RASA3: variants seen among roughly 807,000 people sequenced by gnomAD.
The protein encoded by RASA3 is RAS p21 protein activator 3.
A neutral mutation model predicts 110.0 loss-of-function variants in RASA3; 73 were observed. The ratio of observed to expected loss-of-function variants is 0.66; its 90% CI spans 0.55 to 0.81. The LOEUF (loss-of-function observed/expected upper bound fraction) is 0.81, where lower values mean the gene tolerates loss of function less well. Ranked by LOEUF, RASA3 falls within the 30% of genes least tolerant of loss-of-function variation. The pLI, the probability that RASA3 is intolerant of heterozygous loss-of-function variation, is 0.00. For synonymous variants in RASA3, 500 were observed against 451.4 expected, an observed-to-expected ratio of 1.11 and a Z score of -1.37; for missense variants, 976 against 1,113.2, an observed-to-expected ratio of 0.88 and a Z score of 1.75.
intron 4 of RASA3, among the ~76,000 whole-genome samples, chr13:114,032,027 G>A (rs897001359): frequency 6.6e-6 from 1 of 152,064 alleles, no homozygotes; most frequent in Non-Finnish European, 1.5e-5. Context: ...AGCCTTGAGT[G>A]GTAAATCACC....
chr13:114,078,334 C>G (rs912628320), intron 1 of RASA3, among the ~76,000 whole-genome samples: 1 of 151,540 alleles, frequency 6.6e-6, no homozygotes, highest in African/African-American at 2.4e-5. Context: ...TCTTTTTTTT[C>G]TGGTGCACAG....
In RASA3 at chr13:114,071,658, G is replaced by A. The variant is rs118162460; in HGVS notation, c.173+2062C>T. On this transcript the variant is annotated intron_variant, in intron 2 of 23. Coordinates refer to ENST00000334062, the MANE Select transcript of RASA3 (RefSeq NM_007368.4). ...GCCTGACAATGCCCCTCAGCCTGCA[G>A]TTCTTTTTGACGAGTTATTTCAAAG... Among the ~76,000 whole-genome samples the A allele has an allele frequency of 4.4e-3, 675 of 152,294 alleles. 2 individuals carry two copies. The highest frequency in any genetic ancestry group is 8.0e-3 in the Non-Finnish European group (546 of 68,034).
In RASA3 at chr13:114,024,504, G is replaced by C. The variant is rs1029196824; in HGVS notation, c.604-149C>G. The C allele has an allele frequency of 2.2e-5, 16 of 740,718 alleles. No homozygotes were observed. The African/African-American group carries it at 2.8e-4, about 13-fold the overall frequency. 45.9% of individuals were successfully genotyped at this position (740,718 alleles called of 1,614,324 possible). A position where few individuals can be genotyped will look rare whatever the true frequency, so the allele number is the denominator to read the frequency against. On this transcript the variant is annotated intron_variant, in intron 7 of 23. Transcript: ENST00000334062. ...CAGGAAGGCGCCAGGCGGGATTCGG[G>C]ATTCAGGCCTGGCTTCCTGAGTGCC... is the stretch of plus-strand genomic sequence containing the variant.
chr13:114,055,856 G>C (rs1214732457), intron 2 of RASA3, among the ~76,000 whole-genome samples: 2 of 152,268 alleles, frequency 1.3e-5, no homozygotes, highest in South Asian at 2.1e-4. Flanking sequence ...CCCAGCGGGA[G>C]CACGCACAGC....
chr13:114,013,193 A>C lies in RASA3; in HGVS notation c.1461T>G (p.Phe487Leu), dbSNP rs756841218. Residue 487 changes from phenylalanine to leucine, a missense_variant, in exon 15 of 24, where the codon TTT (phenylalanine) becomes TTG (leucine). Around this residue, in one of 4 missense-constraint regions of RASA3, gnomAD observed 732 missense variants for 779.7 expected, o/e 0.94. Transcript: ENST00000334062. Reference protein sequence around the residue: ...AVSSFIFLRFFAPAILSPNLF... With the variant: ...AVSSFIFLRFLAPAILSPNLF... ...GGTTGGGGGAGAGAATGGCGGGCGC[A>C]AAGAACCTCAGGAAGATGAAGCTGC... 1 of 1,613,414 alleles carries C rather than the reference A, an allele frequency of 6.2e-7. No individual in the cohort carries two copies. Among genetic ancestry groups the C allele is most frequent in the African/African-American group, 1.3e-5 (1 of 75,034 alleles).
At chr13:114,070,256 G>C (rs1361264782) in intron 2 of RASA3, among the ~76,000 whole-genome samples, 1 of 151,028 alleles carries the variant, frequency 6.6e-6, no homozygotes, top group African/African-American at 2.4e-5. Flanking sequence ...AGACTTGGGG[G>C]ACCGGCCCCA....
intron 4 of RASA3, among the ~76,000 whole-genome samples, chr13:114,035,421 C>T (rs1382771550): frequency 6.6e-6 from 1 of 152,242 alleles, no homozygotes; most frequent in Non-Finnish European, 1.5e-5. Flanking sequence ...CAGTGTCACC[C>T]ATGGGGCCCT....
chr13:114,021,431 A>G lies in RASA3; in HGVS notation c.758T>C (p.Leu253Pro), dbSNP rs1013198597. The G allele has an allele frequency of 6.2e-7, 1 of 1,614,046 alleles. No homozygotes were observed. The highest frequency in any genetic ancestry group is 8.5e-7 in the Non-Finnish European group (1 of 1,180,012). Residue 253 changes from leucine to proline, a missense_variant, in exon 9 of 24, where the codon CTG becomes CCG. Around this residue, in one of 4 missense-constraint regions of RASA3, gnomAD observed 732 missense variants for 779.7 expected, o/e 0.94. Coordinates refer to ENST00000334062, the MANE Select transcript of RASA3 (RefSeq NM_007368.4). ...CGCCTCGTAGGAGCTGGACTGCCGCAGGACTTTCAACGGGATCCTTAGTTC... is the reference window on the plus strand; with the variant it reads ...CGCCTCGTAGGAGCTGGACTGCCGCGGGACTTTCAACGGGATCCTTAGTTC... ...LGELRIPLKV[L>P]RQSSSYEAWY...
chr13:113,979,082 G>A lies in RASA3; in HGVS notation c.*265C>T, dbSNP rs1381238389. On this transcript the variant is annotated 3_prime_UTR_variant, in exon 24 of 24. Coordinates refer to ENST00000334062, the MANE Select transcript of RASA3 (RefSeq NM_007368.4). ...GCCCACACTTCCTGATCCTTCAGCT[G>A]ATCCCCAGATCCCCACAAACAAGGA... 1 of 501,438 alleles carries A rather than the reference G, an allele frequency of 2.0e-6. No homozygotes were observed. The highest frequency in any genetic ancestry group is 1.9e-5 in the African/African-American group (1 of 51,764). The allele number at this position is 501,438 out of a possible 1,614,324, so 31.1% of individuals were successfully genotyped here. A position where few individuals can be genotyped will look rare whatever the true frequency, so the allele number is the denominator to read the frequency against.
chr13:114,059,714 G>C (rs372307039), intron 2 of RASA3, among the ~76,000 whole-genome samples: 43 of 152,362 alleles, frequency 2.8e-4, no homozygotes, highest in African/African-American at 8.9e-4. Context: ...ACAAGCACAT[G>C]GCAGGGCCTC....
At chr13:114,030,284 G>C (rs2139387636) in intron 4 of RASA3, among the ~76,000 whole-genome samples, 1 of 152,320 alleles carries the variant, frequency 6.6e-6, no homozygotes, top group South Asian at 2.1e-4. Flanking sequence ...TCCCAAGCAG[G>C]GGCCACTGCC....
At chr13:114,105,191 G>A (rs1478058489) in intron 1 of RASA3, among the ~76,000 whole-genome samples, 2 of 152,232 alleles carry the variant, frequency 1.3e-5, no homozygotes, top group East Asian at 3.9e-4. Context: ...TCCCCAGGAG[G>A]AGGGCAGGTC....
At chr13:114,022,260 G>A (rs1383519158) in intron 8 of RASA3, among the ~76,000 whole-genome samples, 2 of 152,172 alleles carry the variant, frequency 1.3e-5, no homozygotes, top group Admixed American at 1.3e-4. Context: ...TCCTAGTGTG[G>A]GATGGTACGT....
At chr13:114,037,727 A>G (rs1218239858) in intron 4 of RASA3, among the ~76,000 whole-genome samples, 1 of 152,250 alleles carries the variant, frequency 6.6e-6, no homozygotes, top group East Asian at 1.9e-4. Context: ...GAATACACAG[A>G]GAGACACACA....
At position 114,096,527 on chromosome 13, in the gene RASA3, T is replaced by C. The variant is rs2079946914; in HGVS notation, c.56-22690A>G. On this transcript the variant is annotated intron_variant, in intron 1 of 23. Transcript: ENST00000334062. This position sits in a 1 kb window ranked among gnomAD's most constrained non-coding sequence, Gnocchi z 5.1. ...TATGAGCTCTGGCTGACCATCCATGTCCTGGGTACAACTCACCCTCCTCCG... is the reference window on the plus strand; with the variant it reads ...TATGAGCTCTGGCTGACCATCCATGCCCTGGGTACAACTCACCCTCCTCCG... Among the ~76,000 whole-genome samples the C allele has an allele frequency of 6.6e-6, 1 of 152,102 alleles. No homozygotes were observed. The highest frequency in any genetic ancestry group is 1.5e-5 in the Non-Finnish European group (1 of 67,998).
At position 114,000,917 on chromosome 13, in the gene RASA3, C is replaced by T. The variant is rs2053379892; in HGVS notation, c.1758G>A (p.Arg586=). The T allele has an allele frequency of 6.2e-7, 1 of 1,612,988 alleles. No homozygotes were observed. Among genetic ancestry groups the T allele is most frequent in the African/African-American group, 1.3e-5 (1 of 74,902 alleles). The change falls in exon 19 of 24, where the codon AGG becomes AGA. Residue 586 remains arginine (R), a synonymous_variant. Transcript: ENST00000334062. The stretch of plus-strand genomic sequence containing the variant: ...TCCCAAAGCGCTTCCGTCCTTGGGC[C>T]CTCTTGATCATGAACCTGTGTGAAG... ...IVLKEGFMIK[R]AQGRKRFGMK... is the part of the protein sequence containing the mutation.
chr13:114,075,997 G>C (rs369584989), intron 1 of RASA3, among the ~76,000 whole-genome samples: 476 of 119,084 alleles, frequency 4.0e-3, no homozygotes, highest in Middle Eastern at 0.028. Flanking sequence ...CTCCCGTGTC[G>C]GCGCCGCGTA....
At chr13:114,053,314 A>C (rs2079185609) in intron 2 of RASA3, among the ~76,000 whole-genome samples, 1 of 152,228 alleles carries the variant, frequency 6.6e-6, no homozygotes, top group African/African-American at 2.4e-5. Flanking sequence ...AAAGAAGCAG[A>C]AGCCAGTGGG....
chr13:114,072,807 T>C (rs1160470759), intron 2 of RASA3, among the ~76,000 whole-genome samples: 4 of 152,020 alleles, frequency 2.6e-5, no homozygotes, highest in Admixed American at 2.6e-4. Flanking sequence ...ATAATCTACA[T>C]ACAGAAAAAT....
Sources: gnomAD v4.1 joint callset for allele counts (sites outside exome capture counted in the v4.1 genomes callset) on GRCh38, gnomAD v4.1.1 for gene constraint, gnomAD v4.1.1 regional missense constraint, Gnocchi (gnomAD v3.1) non-coding constraint, MANE v1.5 for transcripts, NCBI Gene and HGNC (gene_info 2026-07-23, HGNC 2026-07-21) for gene names.